PSCA: variants seen among roughly 807,000 people sequenced by gnomAD.
PSCA encodes prostate stem cell antigen.
Under a neutral mutation model 7.9 loss-of-function variants are expected in PSCA, and 7 were observed. The observed-to-expected ratio is 0.89, with a 90% confidence interval of 0.51 to 1.67. The LOEUF is 1.67. PSCA is among the 40% of genes most tolerant of loss of function. PSCA has a pLI of 0.00. For synonymous variants in PSCA, 61 were observed against 68.3 expected, an observed-to-expected ratio of 0.89 and a Z score of 0.53; for missense variants, 151 against 147.9, an observed-to-expected ratio of 1.02 and a Z score of -0.11.
upstream of PSCA, among the ~76,000 whole-genome samples, chr8:142,678,450 T>C (rs983600638): frequency 2.0e-5 from 3 of 151,928 alleles, no homozygotes; most frequent in Non-Finnish European, 4.4e-5. Flanking sequence ...AAGGCAGGGG[T>C]CAGGTTGAAG....
chr8:142,672,600 ACT>A (rs1554637472), intron 1 of PSCA, among the ~76,000 whole-genome samples: 1 of 152,030 alleles, frequency 6.6e-6, no homozygotes, highest in Admixed American at 6.6e-5. Flanking sequence ...CCCTGGTGCG[ACT>A]CTGCTGCTGA....
At chr8:142,681,177 C>T (rs1234928561) in intron 1 of PSCA, 150 bp from the exon 2 acceptor site, 28 of 606,724 alleles carry the variant, frequency 4.6e-5, no homozygotes, top group Non-Finnish European at 7.9e-5. Flanking sequence ...AGCAGGGGGC[C>T]GTGAAGATGG....
At position 142,682,493 on chromosome 8, in the gene PSCA, C is replaced by T. The variant is rs587602103; in HGVS notation, c.*361C>T. On this transcript the variant is annotated 3_prime_UTR_variant, in exon 3 of 3. Coordinates refer to ENST00000301258, the MANE Select transcript of PSCA (RefSeq NM_005672.5). ...TCTATGACTTGAGCCAGGTCTGGTC[C>T]GTGGTGTCCCCCGCACCCAGCAGGG... 5 of 541,080 alleles carry T rather than the reference C, an allele frequency of 9.2e-6. No individual in the cohort carries two copies. Among genetic ancestry groups the T allele is most frequent in the East Asian group, 4.5e-5 (1 of 22,360 alleles). The allele number at this position is 541,080 out of a possible 1,614,324, so 33.5% of individuals were successfully genotyped here.
intron 1 of PSCA, among the ~76,000 whole-genome samples, chr8:142,671,706 C>T (rs1847330542): frequency 6.6e-6 from 1 of 152,142 alleles, no homozygotes; most frequent in South Asian, 2.1e-4. Flanking sequence ...CATGCACTGT[C>T]TCACCTATCT....
At chr8:142,678,413 A>G (rs1847422758), upstream of PSCA, among the ~76,000 whole-genome samples, 1 of 152,222 alleles carries the variant, frequency 6.6e-6, no homozygotes, top group African/African-American at 2.4e-5. Flanking sequence ...TGCCAGGCAG[A>G]GTTATCTAAC....
Position 142,682,417 on chromosome 8 carries a change from A to AC in PSCA, c.*288dup, listed in dbSNP as rs1355008312. Reference sequence around the variant, plus strand: ...CATGGCCCAGCATTCTCCACCCTTAACCCTGTGCTCAGGCACCTCTTCCCC... The same window carrying AC: ...CATGGCCCAGCATTCTCCACCCTTAACCCCTGTGCTCAGGCACCTCTTCCCC... On this transcript the variant is annotated 3_prime_UTR_variant, in exon 3 of 3. Coordinates refer to ENST00000301258, the MANE Select transcript of PSCA (RefSeq NM_005672.5). 2 of 665,622 alleles carry AC rather than the reference A, an allele frequency of 3.0e-6. No homozygotes were observed. The highest frequency in any genetic ancestry group is 5.5e-6 in the Non-Finnish European group (2 of 361,674). 41.2% of individuals were successfully genotyped at this position (665,622 alleles called of 1,614,324 possible).
upstream of PSCA, among the ~76,000 whole-genome samples, chr8:142,677,015 A>C (rs1411384468): frequency 1.3e-5 from 2 of 152,126 alleles, no homozygotes; most frequent in African/African-American, 4.8e-5. Context: ...CCAGGGTCAA[A>C]AATCAGAGGG....
At chr8:142,678,503 G>A, upstream of PSCA, among the ~76,000 whole-genome samples, 1 of 152,244 alleles carries the variant, frequency 6.6e-6, no homozygotes, top group East Asian at 1.9e-4. Flanking sequence ...CCAGCCAGCA[G>A]CAGGAAGCCA....
upstream of PSCA, chr8:142,676,562 G>C (rs1352848405): frequency 3.3e-5 from 5 of 152,244 alleles, no homozygotes. Context: ...TGATCCCCAA[G>C]ATGCATGGGG....
At position 142,682,202 on chromosome 8, in the gene PSCA, C is replaced by G. The variant is rs149234867; in HGVS notation, c.*70C>G. Reference sequence around the variant, plus strand: ...AGGCCTCTGTGCCACTCCTCACACACCCGGCCCAGTGGGAGCCTGTCCTGG... The same window carrying G: ...AGGCCTCTGTGCCACTCCTCACACAGCCGGCCCAGTGGGAGCCTGTCCTGG... On this transcript the variant is annotated 3_prime_UTR_variant, in exon 3 of 3. Transcript: ENST00000301258. 8.3e-5 allele frequency: 125 copies of G among 1,503,762 alleles called. 1 individual carries two copies. In the African/African-American group the frequency reaches 1.6e-3, roughly 20 times the overall value. The allele number at this position is 1,503,762 out of a possible 1,614,324, so 93.2% of individuals were successfully genotyped here.
chr8:142,670,857 A>G (rs1847310507), intron 1 of PSCA, among the ~76,000 whole-genome samples: 2 of 152,214 alleles, frequency 1.3e-5, no homozygotes, highest in African/African-American at 4.8e-5. Flanking sequence ...GTCCCTGGGT[A>G]TCCATAGAGG....
chr8:142,672,555 G>A (rs9650138), intron 1 of PSCA, among the ~76,000 whole-genome samples: 1 of 152,330 alleles, frequency 6.6e-6, no homozygotes, highest in East Asian at 1.9e-4. Context: ...TCCTGGGACA[G>A]CAAAGTCCTC....
chr8:142,680,484 C>G (rs1319745242), upstream of PSCA: 2 of 1,548,490 alleles, frequency 1.3e-6, no homozygotes, highest in Admixed American at 3.9e-5. Flanking sequence ...TCACCTGAGG[C>G]CCTCTCCACC....
At chr8:142,674,150 A>G (rs587657176) in intron 1 of PSCA, among the ~76,000 whole-genome samples, 49 of 146,170 alleles carry the variant, frequency 3.4e-4, no homozygotes, top group Middle Eastern at 3.7e-3. Context: ...CATCTTCCTA[A>G]TGAATAACGG....
In PSCA at chr8:142,682,066, G is replaced by A. The variant is rs373596962; in HGVS notation, c.279G>A (p.Pro93=). ...CCAGCGGGGCCCATGCCCTGCAGCC[G>A]GCTGCTGCCATCCTTGCGCTGCTCC... The part of the protein sequence containing the change: ...CNASGAHALQ[P]AAAILALLPA... Residue 93 remains proline (P), a synonymous_variant, in exon 3 of 3, where the codon CCG becomes CCA. Transcript: ENST00000301258. The A allele has an allele frequency of 3.6e-4, 573 of 1,610,412 alleles. No individual in the cohort carries two copies. The highest frequency in any genetic ancestry group is 4.5e-4 in the Non-Finnish European group (535 of 1,179,750).
chr8:142,675,970 T>A (rs1216948256), upstream of PSCA: 1 of 152,228 alleles, frequency 6.6e-6, no homozygotes, highest in Non-Finnish European at 1.5e-5. Context: ...CACACAGGGA[T>A]GTGTGTTCCA....
At chr8:142,678,361 C>T (rs139165584), upstream of PSCA, among the ~76,000 whole-genome samples, 201 of 152,296 alleles carry the variant, frequency 1.3e-3, no homozygotes, top group African/African-American at 4.6e-3. Context: ...CCACAGTGGA[C>T]CTACCAGCTT....
In PSCA at chr8:142,673,714, GT is replaced by G. The variant is rs1847362415; in HGVS notation, n.261+3149del. Among the ~76,000 whole-genome samples, 1 of 152,204 alleles carries G rather than the reference GT, an allele frequency of 6.6e-6. No individual in the cohort carries two copies. Among genetic ancestry groups the G allele is most frequent in the Non-Finnish European group, 1.5e-5 (1 of 68,044 alleles). ...GGAAAATGGTCCTCCTGTGCACTGA[GT>G]TTGCGTCCAGGTGGGGCCACAGGAC... On this transcript the variant is annotated intron_variant and non_coding_transcript_variant, in intron 1 of 1. Transcript: ENST00000505305. The surrounding 1 kb of genome is among the most constrained non-coding windows in gnomAD (Gnocchi z 4.6).
rs1005083245 is a variant in PSCA, at chr8:142,673,911, C to T, written n.261+3343C>T. 6.6e-6 allele frequency among the ~76,000 whole-genome samples: 1 copy of T among 152,164 alleles called. No homozygotes were observed. ...GGTCCCTGGAATAACGGCTGGGAGT[C>T]GTTTCAGTCTAACCTCAGCAGAGCT... On this transcript the variant is annotated intron_variant and non_coding_transcript_variant, in intron 1 of 1. Transcript: ENST00000505305. This position sits in a 1 kb window ranked among gnomAD's most constrained non-coding sequence, Gnocchi z 4.6.
Sources: allele counts gnomAD v4.1 joint callset (sites outside exome capture counted in the v4.1 genomes callset), GRCh38; gene constraint gnomAD v4.1.1; non-coding constraint Gnocchi (gnomAD v3.1); transcripts MANE v1.5; gene names NCBI Gene and HGNC (gene_info 2026-07-23, HGNC 2026-07-21).